Variants in KLF8 observed in about 807,000 individuals in gnomAD.
KLF8 encodes the protein KLF transcription factor 8.
KLF8 carries 10 observed loss-of-function variants against 18.2 expected under a neutral mutation model. The ratio of observed to expected loss-of-function variants is 0.55; its 90% CI spans 0.34 to 0.93. KLF8 has a LOEUF of 0.93. Ranked by LOEUF, KLF8 falls within the 40% of genes least tolerant of loss-of-function variation. KLF8 has a pLI of 0.02. For synonymous variants in KLF8, 109 were observed against 97.3 expected, an observed-to-expected ratio of 1.12 and a Z score of -0.71; for missense variants, 264 against 277.9, an observed-to-expected ratio of 0.95 and a Z score of 0.36.
chrX:56,176,862 A>G, the KLF8 span, among the ~76,000 whole-genome samples: 2 of 111,724 alleles, frequency 1.8e-5, no homozygotes, highest in African/African-American at 3.3e-5. Context: ...TTGAACTTTC[A>G]TCACTGATAC....
At chrX:56,223,839 C>G in the KLF8 span, among the ~76,000 whole-genome samples, 3 of 112,618 alleles carry the variant, frequency 2.7e-5, no homozygotes, top group African/African-American at 9.7e-5. Flanking sequence ...GGGAGAAAAG[C>G]ACAAGCTATT....
At chrX:56,173,767 T>G in the KLF8 span, among the ~76,000 whole-genome samples, 1 of 111,898 alleles carries the variant, frequency 8.9e-6, no homozygotes. Flanking sequence ...TATCCTCTTT[T>G]ATTTCATTGA....
the KLF8 span, among the ~76,000 whole-genome samples, chrX:56,104,708 A>G: frequency 9.0e-6 from 1 of 110,510 alleles, no homozygotes; most frequent in Admixed American, 9.6e-5. Flanking sequence ...TTGTGTCTCT[A>G]TCTCCTTCAG....
the KLF8 span, among the ~76,000 whole-genome samples, chrX:56,162,596 C>T: frequency 1.8e-5 from 2 of 111,933 alleles, no homozygotes; most frequent in East Asian, 5.7e-4. Flanking sequence ...TCCTGGTGTG[C>T]CATTTGCTAA....
At chrX:56,198,713 T>C in the KLF8 span, among the ~76,000 whole-genome samples, 1 of 112,045 alleles carries the variant, frequency 8.9e-6, no homozygotes, top group Non-Finnish European at 1.9e-5. Flanking sequence ...TACCAAGGAC[T>C]TTCTTCACAG....
At chrX:56,062,983 G>A in the KLF8 span, among the ~76,000 whole-genome samples, 11 of 110,345 alleles carry the variant, frequency 1.0e-4, no homozygotes, top group Non-Finnish European at 1.5e-4. Context: ...TATGCTTCAC[G>A]AAGTTCTCGT....
At chrX:56,177,768 C>A in the KLF8 span, among the ~76,000 whole-genome samples, 1 of 111,672 alleles carries the variant, frequency 9.0e-6, no homozygotes, top group African/African-American at 3.3e-5. Flanking sequence ...TTCTTCCCAG[C>A]CACTTTGTTT....
chrX:56,189,902 G>T, the KLF8 span, among the ~76,000 whole-genome samples: 2 of 102,047 alleles, frequency 2.0e-5, no homozygotes, highest in Non-Finnish European at 4.0e-5. Context: ...GATAACATTA[G>T]GAGATATACC....
chrX:56,140,151 G>A, the KLF8 span, among the ~76,000 whole-genome samples: 1 of 112,327 alleles, frequency 8.9e-6, no homozygotes, highest in African/African-American at 3.2e-5. Flanking sequence ...CTTATACACT[G>A]CTAGTGGAAA....
the KLF8 span, among the ~76,000 whole-genome samples, chrX:56,037,140 T>C: frequency 1.8e-5 from 2 of 111,943 alleles, no homozygotes; most frequent in Admixed American, 1.9e-4. Context: ...ATAGATGTCC[T>C]TTATTTTTTT....
At chrX:56,102,561 T>C in the KLF8 span, among the ~76,000 whole-genome samples, 1 of 111,402 alleles carries the variant, frequency 9.0e-6, no homozygotes, top group Non-Finnish European at 1.9e-5. Flanking sequence ...TATGGCCATT[T>C]TAACAATATT....
chrX:56,077,705 G>T, the KLF8 span, among the ~76,000 whole-genome samples: 5 of 111,512 alleles, frequency 4.5e-5, no homozygotes, highest in Non-Finnish European at 9.4e-5. Flanking sequence ...TGATGGGGAT[G>T]GCATTGAATC....
At chrX:56,151,481 T>C in the KLF8 span, among the ~76,000 whole-genome samples, 1 of 111,067 alleles carries the variant, frequency 9.0e-6, no homozygotes, top group Non-Finnish European at 1.9e-5. Context: ...CTGACAGCAC[T>C]TGGTGATAGA....
At chrX:56,036,781 T>A in the KLF8 span, among the ~76,000 whole-genome samples, 1 of 111,989 alleles carries the variant, frequency 8.9e-6, no homozygotes, top group African/African-American at 3.2e-5. Context: ...GTACTGTCTT[T>A]AACAATAATA....
chrX:56,164,316 G>A, the KLF8 span, among the ~76,000 whole-genome samples: 1 of 91,106 alleles, frequency 1.1e-5, no homozygotes, highest in Non-Finnish European at 2.2e-5. Flanking sequence ...CTTTAAAAGG[G>A]CAGAAAAGTA....
At chrX:55,996,927 C>A in the KLF8 span, among the ~76,000 whole-genome samples, 1 of 112,124 alleles carries the variant, frequency 8.9e-6, no homozygotes, top group African/African-American at 3.2e-5. Flanking sequence ...TGGGGCAGGG[C>A]AGTCATGGTG....
the KLF8 span, among the ~76,000 whole-genome samples, chrX:56,003,786 T>C: frequency 2.7e-5 from 3 of 112,354 alleles, no homozygotes; most frequent in Non-Finnish European, 3.8e-5. Context: ...GTTTTCTTAC[T>C]ATTGTTTTGC....
the KLF8 span, among the ~76,000 whole-genome samples, chrX:55,955,659 A>G: frequency 9.0e-6 from 1 of 111,284 alleles, no homozygotes; most frequent in Non-Finnish European, 1.9e-5. Flanking sequence ...CTGATTGGGC[A>G]CCCAGTATTG....
the KLF8 span, among the ~76,000 whole-genome samples, chrX:56,031,250 G>A: frequency 8.9e-6 from 1 of 111,770 alleles, no homozygotes; most frequent in Non-Finnish European, 1.9e-5. Context: ...CAGGTAAAGA[G>A]GGCACACACA....
Sources: allele counts gnomAD v4.1 joint callset (sites outside exome capture counted in the v4.1 genomes callset), GRCh38; gene constraint gnomAD v4.1.1; transcripts MANE v1.5; gene names NCBI Gene and HGNC (gene_info 2026-07-23, HGNC 2026-07-21).